The following POLR2B variants were observed in gnomAD, a reference collection of about 807,000 sequenced individuals.
The protein encoded by POLR2B is DNA-directed RNA polymerase II subunit RPB2.
A neutral mutation model predicts 144.6 loss-of-function variants in POLR2B; 57 were observed. The ratio of observed to expected loss-of-function variants is 0.39; its 90% CI spans 0.32 to 0.49. The LOEUF (loss-of-function observed/expected upper bound fraction) is 0.49. Ranked by LOEUF, POLR2B falls within the 20% of genes least tolerant of loss-of-function variation. The pLI is 0.83. For missense variants in POLR2B, 595 were observed against 1,467.4 expected (o/e 0.41, Z 9.71); for synonymous variants, 442 against 469.8 (o/e 0.94, Z 0.77).
At position 57,023,952 on chromosome 4, in the gene POLR2B, G is replaced by A. The variant is rs995951154; in HGVS notation, c.2857-53G>A. On this transcript the variant is annotated intron_variant, in intron 20 of 24. Transcript: ENST00000314595. This position sits in a 1 kb window ranked among gnomAD's most constrained non-coding sequence, Gnocchi z 4.3. ...TTCAGTTGGGAGAACTGAAATGTCA[G>A]TTCTAGTTTAGTATATGTATCTTTG... is the stretch of plus-strand genomic sequence containing the variant. The A allele has an allele frequency of 3.9e-6, 4 of 1,021,254 alleles. No individual in the cohort carries two copies. The highest frequency in any genetic ancestry group is 2.9e-6 in the Non-Finnish European group (2 of 680,556). The allele number at this position is 1,021,254 out of a possible 1,614,324, so 63.3% of individuals were successfully genotyped here.
At chr4:57,019,869 C>T (rs1162455778) in intron 16 of POLR2B, among the ~76,000 whole-genome samples, 1 of 149,184 alleles carries the variant, frequency 6.7e-6, no homozygotes. Flanking sequence ...CATTTAATTG[C>T]ATGGTTCTTT....
At position 56,985,485 on chromosome 4, in the gene POLR2B, C is replaced by G. The variant is rs190093242; in HGVS notation, c.20-869C>G. 5.7e-4 allele frequency: 564 copies of G among 984,676 alleles called. 2 individuals are homozygous for G. In the African/African-American group the frequency reaches 9.3e-3, roughly 16 times the overall value. 61.0% of individuals were successfully genotyped at this position (984,676 alleles called of 1,614,324 possible). A position where few individuals can be genotyped will look rare whatever the true frequency, so the allele number is the denominator to read the frequency against. ...GAGTGAGAGGCGGGCCCTGCAACCT[C>G]TGTCTCCTGGGTTCAAGCAATTCTC... On this transcript the variant is annotated intron_variant, in intron 1 of 24. Coordinates refer to ENST00000314595, the MANE Select transcript of POLR2B (RefSeq NM_000938.3).
chr4:57,003,312 C>T (rs1722911180), intron 7 of POLR2B, among the ~76,000 whole-genome samples: 2 of 152,148 alleles, frequency 1.3e-5, no homozygotes. Context: ...CGCCTGTTGT[C>T]CCAGCTACTC....
rs115300463 is a variant in POLR2B, at chr4:57,029,461, A to G, written c.3240-743A>G. 3.5e-3 allele frequency among the ~76,000 whole-genome samples: 528 copies of G among 152,270 alleles called. 4 individuals carry two copies. Among genetic ancestry groups the G allele is most frequent in the African/African-American group, 0.012 (497 of 41,548 alleles). On this transcript the variant is annotated intron_variant, in intron 23 of 24. Coordinates refer to ENST00000314595, the MANE Select transcript of POLR2B (RefSeq NM_000938.3). ...CAGATCAGTGGTCCAAAGTCGACCA[A>G]TGATTTTTTTGTTTTGGTGGAATAT...
At chr4:56,995,151 G>T (rs1048266722) in intron 5 of POLR2B, 100 bp from the exon 6 acceptor site, 1 of 812,160 alleles carries the variant, frequency 1.2e-6, no homozygotes. Flanking sequence ...ATTTCAGTGA[G>T]CCTATATGGT....
chr4:57,002,981 G>A (rs1011016111), intron 7 of POLR2B, among the ~76,000 whole-genome samples: 4 of 152,266 alleles, frequency 2.6e-5, no homozygotes, highest in African/African-American at 9.6e-5. Flanking sequence ...GCTCATTATC[G>A]TGTATAGTTG....
chr4:57,015,286 G>T (rs1270609896), intron 13 of POLR2B, among the ~76,000 whole-genome samples: 1 of 152,108 alleles, frequency 6.6e-6, no homozygotes, highest in Non-Finnish European at 1.5e-5. Flanking sequence ...TATTGTACAG[G>T]TTTATAATTG....
In POLR2B at chr4:56,999,645, G is replaced by A. The variant is rs1184028530; in HGVS notation, c.764G>A (p.Arg255His). The A allele has an allele frequency of 2.5e-6, 4 of 1,611,412 alleles. No homozygotes were observed. Among genetic ancestry groups the A allele is most frequent in the African/African-American group, 1.3e-5 (1 of 74,802 alleles). Residue 255 changes from arginine (R) to histidine (H), a missense_variant, in exon 7 of 25, where the codon CGC becomes CAC. This residue lies in a region of POLR2B where 251 missense variants were observed against 567.3 expected (regional missense o/e 0.44). Transcript: ENST00000314595. ...GCCAAGAAGAGTGCTATTGGTCAGC[G>A]CATTGTGGCAACTCTACCATATATC... ...QGAKKSAIGQ[R>H]IVATLPYIKQ...
chr4:56,990,312 A>G (rs1722474839), intron 2 of POLR2B, among the ~76,000 whole-genome samples: 1 of 152,058 alleles, frequency 6.6e-6, no homozygotes, highest in South Asian at 2.1e-4. Context: ...TGCAGCCTCA[A>G]ACTCCTGGGC....
intron 2 of POLR2B, among the ~76,000 whole-genome samples, chr4:56,989,768 C>T (rs1364605025): frequency 1.3e-5 from 2 of 152,178 alleles, no homozygotes; most frequent in East Asian, 3.8e-4. Flanking sequence ...GGTTGTGCTA[C>T]ATCCTCCAGC....
chr4:57,013,665 G>A (rs2109696742), intron 13 of POLR2B, among the ~76,000 whole-genome samples: 1 of 152,162 alleles, frequency 6.6e-6, no homozygotes, highest in Middle Eastern at 3.4e-3. Flanking sequence ...AGGCTCCTAA[G>A]TGGCTGAGAC....
chr4:57,013,480 C>T (rs1271223602), intron 13 of POLR2B, among the ~76,000 whole-genome samples: 1 of 152,182 alleles, frequency 6.6e-6, no homozygotes, highest in African/African-American at 2.4e-5. Flanking sequence ...TGGGCTCAAG[C>T]AGTCCTTCCT....
chr4:56,985,226 AATTTT>A (rs1722281059), intron 1 of POLR2B: 2 of 758,574 alleles, frequency 2.6e-6, no homozygotes, highest in African/African-American at 1.9e-5. Context: ...TTACAAAAAA[AATTTT>A]ATTTTATTTT....
chr4:57,011,225 A>C (rs1312050098), intron 13 of POLR2B, 125 bp downstream of exon 13: 1 of 685,542 alleles, frequency 1.5e-6, no homozygotes, highest in Non-Finnish European at 2.5e-6. Context: ...GTAAAGTGTA[A>C]ATTTAATTAT....
chr4:57,016,173 G>GTATCCTTAGGAGTCAC (rs1311079462), intron 14 of POLR2B, among the ~76,000 whole-genome samples: 2 of 152,200 alleles, frequency 1.3e-5, no homozygotes, highest in African/African-American at 4.8e-5. Flanking sequence ...AAAAAACTCT[G>GTATCCTTAGGAGTCAC]TATCCTTAGG....
intron 3 of POLR2B, among the ~76,000 whole-genome samples, chr4:56,992,118 C>G (rs1209773825): frequency 6.6e-6 from 1 of 152,130 alleles, no homozygotes; most frequent in Non-Finnish European, 1.5e-5. Context: ...CTTAAATTTA[C>G]TATGAAGAAC....
At chr4:56,994,601 A>C (rs1722620394) in intron 4 of POLR2B, 46 bp from the exon 5 acceptor site, 1 of 1,462,856 alleles carries the variant, frequency 6.8e-7, no homozygotes, top group African/African-American at 1.4e-5. Flanking sequence ...GATTTGTTTT[A>C]ACAGATACCC....
At chr4:57,011,486 C>T (rs1723186875) in intron 13 of POLR2B, among the ~76,000 whole-genome samples, 1 of 151,882 alleles carries the variant, frequency 6.6e-6, no homozygotes, top group Non-Finnish European at 1.5e-5. Context: ...TGAGATTGCA[C>T]CTCTGCACTC....
intron 10 of POLR2B, chr4:57,010,088 A>T: frequency 3.0e-6 from 1 of 336,020 alleles, no homozygotes; most frequent in Non-Finnish European, 5.5e-6. Flanking sequence ...AAACAATTTT[A>T]AAAAATTCCC....
Sources: allele counts gnomAD v4.1 joint callset (sites outside exome capture counted in the v4.1 genomes callset), GRCh38; gene constraint gnomAD v4.1.1; regional missense constraint gnomAD v4.1.1; non-coding constraint Gnocchi (gnomAD v3.1); transcripts MANE v1.5; gene names NCBI Gene and HGNC (gene_info 2026-07-23, HGNC 2026-07-21).